MACROD2: variants seen among roughly 807,000 people sequenced by gnomAD.
MACROD2 encodes the protein ADP-ribose glycohydrolase MACROD2.
A neutral mutation model predicts 70.4 loss-of-function variants in MACROD2; 36 were observed. That is an observed-to-expected ratio of 0.51 (90% CI 0.39 to 0.68). The LOEUF (loss-of-function observed/expected upper bound fraction) is 0.68, where lower values mean the gene tolerates loss of function less well. Among genes scored for constraint, MACROD2 ranks in the 30% least tolerant of loss-of-function variants. The probability of loss-of-function intolerance (pLI) is 0.00; values close to 1 mark genes in which losing one functional copy is unlikely to be tolerated. For missense variants in MACROD2, 496 were observed against 538.4 expected, an observed-to-expected ratio of 0.92 and a Z score of 0.78; for synonymous variants, 172 against 178.8, an observed-to-expected ratio of 0.96 and a Z score of 0.30.
intron 4 of MACROD2, chr20:14,566,920 G>A (rs556084246): frequency 1.3e-5 from 2 of 151,900 alleles, no homozygotes; most frequent in Non-Finnish European, 2.9e-5. Context: ...CAGTTAAAAA[G>A]ACAAACACAT....
chr20:15,712,113 C>T (rs913579450), intron 8 of MACROD2, among the ~76,000 whole-genome samples: 2 of 152,182 alleles, frequency 1.3e-5, no homozygotes, highest in African/African-American at 4.8e-5. Flanking sequence ...TAATGTGATC[C>T]AGCAGCCAAA....
intron 8 of MACROD2, among the ~76,000 whole-genome samples, chr20:15,810,448 C>A (rs574662726): frequency 3.9e-5 from 6 of 151,958 alleles, no homozygotes; most frequent in South Asian, 2.1e-4. Flanking sequence ...ACACTGACTT[C>A]CACAATGGTT....
At chr20:15,817,727 A>G (rs1225524633) in intron 8 of MACROD2, among the ~76,000 whole-genome samples, 2 of 152,074 alleles carry the variant, frequency 1.3e-5, no homozygotes, top group African/African-American at 4.8e-5. Context: ...CTCTCTGTCT[A>G]TATTTTTGCC....
chr20:14,154,412 A>T (rs1356793439), intron 3 of MACROD2, among the ~76,000 whole-genome samples: 1 of 139,734 alleles, frequency 7.2e-6, no homozygotes, highest in African/African-American at 2.7e-5. Flanking sequence ...TTTGAGACGG[A>T]GTCTTGCTCT....
intron 10 of MACROD2, among the ~76,000 whole-genome samples, chr20:15,889,253 G>A (rs373252936): frequency 1.7e-3 from 255 of 152,252 alleles, no homozygotes; most frequent in African/African-American, 5.6e-3. Context: ...CAATTAGCTC[G>A]TGTGAGCTGG....
rs980230844 is a variant in MACROD2 at position 15,941,840 on chromosome 20, A to G, written c.907+4296A>G. ...GGACAGGTCTTTTTTTCTCTTTCTA[A>G]TAAAACTCCCAAGGATTTTGAGGCT... On this transcript the variant is annotated intron_variant, in intron 12 of 17. Coordinates refer to ENST00000684519, the MANE Select transcript of MACROD2 (RefSeq NM_001351661.2). Among the ~76,000 whole-genome samples, 6 of 152,254 alleles carry G rather than the reference A, an allele frequency of 3.9e-5. No individual in the cohort carries two copies. In the East Asian group the frequency reaches 1.2e-3, roughly 29 times the overall value.
chr20:15,107,545 T>C (rs1192531690), intron 5 of MACROD2, among the ~76,000 whole-genome samples: 1 of 151,976 alleles, frequency 6.6e-6, no homozygotes, highest in Non-Finnish European at 1.5e-5. Flanking sequence ...TTATGCTTCC[T>C]ATCTTTTTTT....
chr20:14,295,710 A>C (rs2082421485), intron 3 of MACROD2, among the ~76,000 whole-genome samples: 1 of 151,910 alleles, frequency 6.6e-6, no homozygotes, highest in Non-Finnish European at 1.5e-5. Context: ...TTGTGGATGC[A>C]GCCTGCCTTC....
intron 3 of MACROD2, among the ~76,000 whole-genome samples, chr20:14,227,315 T>G (rs1004861491): frequency 2.0e-5 from 3 of 152,090 alleles, no homozygotes; most frequent in African/African-American, 7.2e-5. Context: ...CCCTTTCACA[T>G]GGTGGAAGCT....
chr20:15,400,658 C>T (rs2146307077), intron 6 of MACROD2, among the ~76,000 whole-genome samples: 1 of 152,282 alleles, frequency 6.6e-6, no homozygotes, highest in Admixed American at 6.5e-5. Flanking sequence ...GTTCAAGGTG[C>T]CATGGCTTTG....
intron 8 of MACROD2, among the ~76,000 whole-genome samples, chr20:15,620,432 T>C (rs959149179): frequency 1.3e-5 from 2 of 152,178 alleles, no homozygotes; most frequent in African/African-American, 4.8e-5. Flanking sequence ...TTACAACATC[T>C]TGTTAGTTAA....
chr20:15,418,220 AG>A (rs1315723333), intron 6 of MACROD2, among the ~76,000 whole-genome samples: 3 of 152,232 alleles, frequency 2.0e-5, no homozygotes, highest in African/African-American at 7.2e-5. Flanking sequence ...AGAATTTACA[AG>A]GTGGTATCTT....
intron 5 of MACROD2, among the ~76,000 whole-genome samples, chr20:15,123,391 C>T (rs1411702278): frequency 6.6e-6 from 1 of 152,130 alleles, no homozygotes; most frequent in Non-Finnish European, 1.5e-5. Context: ...ATGTTCAATA[C>T]TGTGGCCACT....
rs141197247 is a variant in MACROD2 at position 14,785,606 on chromosome 20, T to C, written c.418+100647T>C. ...TCTGATGCCCCAGCCCAAACAATGATACACAGTGTGTCAGGAGGCTGTAGT... is the reference window on the plus strand; with the variant it reads ...TCTGATGCCCCAGCCCAAACAATGACACACAGTGTGTCAGGAGGCTGTAGT... On this transcript the variant is annotated intron_variant, in intron 5 of 17. Coordinates refer to ENST00000684519, the MANE Select transcript of MACROD2 (RefSeq NM_001351661.2). 3.3e-3 allele frequency among the ~76,000 whole-genome samples: 497 copies of C among 152,180 alleles called. 5 individuals carry two copies. Among genetic ancestry groups the C allele is most frequent in the Non-Finnish European group, 5.1e-3 (346 of 68,002 alleles).
intron 17 of MACROD2, among the ~76,000 whole-genome samples, chr20:16,048,518 G>A (rs1279648095): frequency 6.6e-6 from 1 of 152,108 alleles, no homozygotes; most frequent in African/African-American, 2.4e-5. Flanking sequence ...GTAGGGCTGT[G>A]TATTTGATTG....
chr20:16,045,566 G>A (rs1245217821), intron 17 of MACROD2, among the ~76,000 whole-genome samples: 3 of 152,068 alleles, frequency 2.0e-5, no homozygotes, highest in Non-Finnish European at 4.4e-5. Flanking sequence ...CAGACATCTG[G>A]ACTGCAGCAA....
chr20:15,799,079 C>T (rs553806035), intron 8 of MACROD2, among the ~76,000 whole-genome samples: 1 of 152,324 alleles, frequency 6.6e-6, no homozygotes, highest in African/African-American at 2.4e-5. Context: ...AAGGCACCAA[C>T]TCTTCTCTTC....
intron 8 of MACROD2, among the ~76,000 whole-genome samples, chr20:15,753,722 C>T (rs951796483): frequency 6.6e-6 from 1 of 152,200 alleles, no homozygotes; most frequent in Non-Finnish European, 1.5e-5. Flanking sequence ...AACTAATTTA[C>T]CGTTCCACAA....
At chr20:15,595,982 C>T (rs2048741516) in intron 8 of MACROD2, among the ~76,000 whole-genome samples, 1 of 152,156 alleles carries the variant, frequency 6.6e-6, no homozygotes, top group Non-Finnish European at 1.5e-5. Context: ...CTCAGTTCTG[C>T]CAACTACCTG....
Sources: gnomAD v4.1 joint callset for allele counts (sites outside exome capture counted in the v4.1 genomes callset) on GRCh38, gnomAD v4.1.1 for gene constraint, MANE v1.5 for transcripts, NCBI Gene and HGNC (gene_info 2026-07-23, HGNC 2026-07-21) for gene names.